Variants in LYPLAL1 observed in about 807,000 individuals in gnomAD.
The protein encoded by LYPLAL1 is lysophospholipase-like protein 1.
A neutral mutation model predicts 19.7 loss-of-function variants in LYPLAL1; 23 were observed. The ratio of observed to expected loss-of-function variants is 1.17; its 90% CI spans 0.84 to 1.65. LYPLAL1 has a LOEUF of 1.65. Ranked by LOEUF, LYPLAL1 falls within the 40% of genes most tolerant of loss-of-function variation. LYPLAL1 has a pLI of 0.00. For synonymous variants in LYPLAL1, 119 were observed against 96.3 expected, an observed-to-expected ratio of 1.24 and a Z score of -1.38; for missense variants, 355 against 279.4, an observed-to-expected ratio of 1.27 and a Z score of -1.93.
At chr1:219,366,045 A>C in the LYPLAL1 span, among the ~76,000 whole-genome samples, 2 of 152,146 alleles carry the variant, frequency 1.3e-5, no homozygotes, top group East Asian at 3.8e-4. Context: ...ACAACTGAAA[A>C]GGCCTCATCC....
At chr1:219,290,945 C>T in the LYPLAL1 span, among the ~76,000 whole-genome samples, 1 of 152,162 alleles carries the variant, frequency 6.6e-6, no homozygotes, top group African/African-American at 2.4e-5. Flanking sequence ...CATGGAAAAC[C>T]TGAGATCAAA....
At chr1:219,210,401 G>C in intron 3 of LYPLAL1, 131 bp from the exon 4 acceptor site, 1 of 587,014 alleles carries the variant, frequency 1.7e-6, no homozygotes, top group South Asian at 3.0e-5. Flanking sequence ...GAAACTTAGA[G>C]TAGACGAAAT....
chr1:219,422,197 T>C, the LYPLAL1 span, among the ~76,000 whole-genome samples: 1 of 152,232 alleles, frequency 6.6e-6, no homozygotes, highest in Admixed American at 6.5e-5. Context: ...TCTGAAACTT[T>C]GTTGGAATTA....
chr1:219,246,015 A>G, the LYPLAL1 span, among the ~76,000 whole-genome samples: 1 of 152,170 alleles, frequency 6.6e-6, no homozygotes, highest in African/African-American at 2.4e-5. Flanking sequence ...GGTTCATGTT[A>G]GGTTTAATGG....
At chr1:219,305,890 T>A in the LYPLAL1 span, among the ~76,000 whole-genome samples, 1 of 152,190 alleles carries the variant, frequency 6.6e-6, no homozygotes, top group Non-Finnish European at 1.5e-5. Flanking sequence ...CTACAATACT[T>A]CCATTTTGTT....
chr1:219,405,344 G>A, the LYPLAL1 span, among the ~76,000 whole-genome samples: 1 of 152,100 alleles, frequency 6.6e-6, no homozygotes, highest in Non-Finnish European at 1.5e-5. Context: ...CATAAACACA[G>A]GCAAATAATA....
chr1:219,234,403 C>G, the LYPLAL1 span, among the ~76,000 whole-genome samples: 1 of 151,824 alleles, frequency 6.6e-6, no homozygotes, highest in South Asian at 2.1e-4. Context: ...ATAAACCTCT[C>G]TATTAGATAA....
the LYPLAL1 span, among the ~76,000 whole-genome samples, chr1:219,413,569 A>G: frequency 4.6e-5 from 7 of 152,330 alleles, no homozygotes; most frequent in South Asian, 2.1e-4. Flanking sequence ...TTACCCCCCA[A>G]AGAAGGAGAA....
At chr1:219,419,341 C>T in the LYPLAL1 span, among the ~76,000 whole-genome samples, 45 of 152,244 alleles carry the variant, frequency 3.0e-4, no homozygotes, top group East Asian at 4.4e-3. Flanking sequence ...CCTGTGCCAG[C>T]GATCAGGAGA....
the LYPLAL1 span, among the ~76,000 whole-genome samples, chr1:219,429,265 A>G: frequency 6.6e-6 from 1 of 152,202 alleles, no homozygotes; most frequent in Non-Finnish European, 1.5e-5. Flanking sequence ...TAATTATGGC[A>G]TATGTGAGAA....
Position 219,184,082 on chromosome 1 carries a change from A to G in LYPLAL1, c.191+4836A>G, listed in dbSNP as rs143304066. ...TGTAAATTTTAGAACCTGCTCTTCA[A>G]TTTTACAAAACACCTGTTTGGATTT... On this transcript the variant is annotated intron_variant, in intron 2 of 4. Coordinates refer to ENST00000366928, the MANE Select transcript of LYPLAL1 (RefSeq NM_138794.5). 1.7e-4 allele frequency among the ~76,000 whole-genome samples: 26 copies of G among 151,934 alleles called. No homozygotes were observed. In the East Asian group the frequency reaches 5.0e-3, roughly 29 times the overall value.
the LYPLAL1 span, among the ~76,000 whole-genome samples, chr1:219,276,825 C>G: frequency 2.6e-4 from 40 of 152,024 alleles, no homozygotes; most frequent in Non-Finnish European, 7.4e-5. Flanking sequence ...TATGGGACAC[C>G]GCAACCTTCT....
At chr1:219,230,334 A>C in the LYPLAL1 span, among the ~76,000 whole-genome samples, 1 of 152,188 alleles carries the variant, frequency 6.6e-6, no homozygotes, top group Non-Finnish European at 1.5e-5. Context: ...GCTGATCTCG[A>C]ACTCCTGACC....
chr1:219,210,739 C>A, intron 4 of LYPLAL1, 92 bp downstream of exon 4: 1 of 1,189,196 alleles, frequency 8.4e-7, no homozygotes, highest in Non-Finnish European at 1.2e-6. Flanking sequence ...GTAAAACACA[C>A]ACACAGTTGA....
the LYPLAL1 span, chr1:219,442,671 G>T: frequency 6.6e-6 from 1 of 152,164 alleles, no homozygotes; most frequent in Non-Finnish European, 1.5e-5. Context: ...ACCATGGTTA[G>T]CTGACTTTTA....
At chr1:219,377,960 C>A in the LYPLAL1 span, among the ~76,000 whole-genome samples, 2 of 152,186 alleles carry the variant, frequency 1.3e-5, no homozygotes, top group African/African-American at 4.8e-5. Context: ...ACTGTAGCAA[C>A]AAAGCAGAAA....
At chr1:219,278,357 C>T in the LYPLAL1 span, among the ~76,000 whole-genome samples, 2 of 151,800 alleles carry the variant, frequency 1.3e-5, no homozygotes, top group Non-Finnish European at 2.9e-5. Context: ...GAGAAAAAAA[C>T]AATTTAACAA....
At chr1:219,249,626 A>G in the LYPLAL1 span, among the ~76,000 whole-genome samples, 2 of 152,038 alleles carry the variant, frequency 1.3e-5, no homozygotes, top group Non-Finnish European at 2.9e-5. Flanking sequence ...AGTGAATTCT[A>G]TCAATTTACA....
intron 3 of LYPLAL1, chr1:219,198,542 A>G (rs1233664246): frequency 2.0e-5 from 3 of 152,120 alleles, no homozygotes; most frequent in Non-Finnish European, 2.9e-5. Flanking sequence ...ATTTATGAAA[A>G]TAAATTTAAC....
Sources: allele counts gnomAD v4.1 joint callset (sites outside exome capture counted in the v4.1 genomes callset), GRCh38; gene constraint gnomAD v4.1.1; transcripts MANE v1.5; gene names NCBI Gene and HGNC (gene_info 2026-07-23, HGNC 2026-07-21).